The following EPB41L3 variants were observed in gnomAD, a reference collection of about 807,000 sequenced individuals.
The protein encoded by EPB41L3 is erythrocyte membrane protein band 4.1 like 3.
EPB41L3 carries 57 observed loss-of-function variants against 127.1 expected under a neutral mutation model. That is an observed-to-expected ratio of 0.45 (90% confidence interval 0.36 to 0.56). The LOEUF (loss-of-function observed/expected upper bound fraction) is 0.56. Among genes scored for constraint, EPB41L3 ranks in the 20% least tolerant of loss-of-function variants. The pLI is 0.00. For missense variants in EPB41L3, 1,273 were observed against 1,372.2 expected, an observed-to-expected ratio of 0.93 and a Z score of 1.14; for synonymous variants, 572 against 549.5, an observed-to-expected ratio of 1.04 and a Z score of -0.57.
intron 3 of EPB41L3, among the ~76,000 whole-genome samples, chr18:5,609,851 T>C (rs1381329433): frequency 6.6e-6 from 1 of 152,084 alleles, no homozygotes; most frequent in Non-Finnish European, 1.5e-5. Context: ...GAAGCATTAT[T>C]AAATGTGGTA....
intron 3 of EPB41L3, among the ~76,000 whole-genome samples, chr18:5,477,967 C>CA (rs1471103605): frequency 2.6e-5 from 4 of 152,058 alleles, no homozygotes; most frequent in Non-Finnish European, 5.9e-5. Context: ...TTAAAGCTTT[C>CA]AAAATTTTTT....
At chr18:5,442,651 GTTCT>G (rs1385381881) in intron 5 of EPB41L3, among the ~76,000 whole-genome samples, 1 of 152,108 alleles carries the variant, frequency 6.6e-6, no homozygotes, top group African/African-American at 2.4e-5. Context: ...TCTTAAATGT[GTTCT>G]TTAACTAGAA....
intron 16 of EPB41L3, chr18:5,399,374 A>G (rs376521905): frequency 2.5e-6 from 1 of 398,762 alleles, no homozygotes; most frequent in Admixed American, 4.4e-5. Context: ...CAATAACCCA[A>G]TCCTCTGTGC....
At chr18:5,407,935 G>A (rs1476833284) in intron 14 of EPB41L3, among the ~76,000 whole-genome samples, 199 bp from the exon 15 acceptor site, 2 of 152,198 alleles carry the variant, frequency 1.3e-5, no homozygotes, top group Non-Finnish European at 2.9e-5. Context: ...GAATATAGGA[G>A]TGGAAGAATT....
intron 3 of EPB41L3, among the ~76,000 whole-genome samples, chr18:5,469,667 G>T (rs1448976844): frequency 5.3e-5 from 8 of 152,194 alleles, no homozygotes; most frequent in African/African-American, 1.7e-4. Context: ...GAGGCTTCCG[G>T]CTGGAAAAGG....
chr18:5,578,744 C>A (rs906367530), intron 3 of EPB41L3, among the ~76,000 whole-genome samples: 11 of 152,162 alleles, frequency 7.2e-5, no homozygotes, highest in African/African-American at 2.7e-4. Context: ...TATACCCATT[C>A]ACTTAGCAAA....
intron 13 of EPB41L3, among the ~76,000 whole-genome samples, chr18:5,412,520 G>A (rs149649185): frequency 5.2e-4 from 79 of 152,222 alleles, no homozygotes; most frequent in Admixed American, 1.0e-3. Context: ...GCCACCGCGC[G>A]CCCAGCTCGA....
At chr18:5,495,274 A>C (rs113362345) in intron 1 of EPB41L3, among the ~76,000 whole-genome samples, 102 of 152,326 alleles carry the variant, frequency 6.7e-4, no homozygotes, top group African/African-American at 2.1e-3. Context: ...TTATGAAGAC[A>C]TAATAATTCA....
At chr18:5,394,414 C>G (rs1281541254) in intron 22 of EPB41L3, 1 of 343,650 alleles carries the variant, frequency 2.9e-6, no homozygotes. Context: ...AAAGGGAACA[C>G]CAGGAAGACC....
intron 1 of EPB41L3, among the ~76,000 whole-genome samples, chr18:5,498,964 C>G (rs2091471019): frequency 6.6e-6 from 1 of 152,080 alleles, no homozygotes; most frequent in African/African-American, 2.4e-5. Context: ...TAATGGTTCC[C>G]TAAAAGGAAA....
intron 1 of EPB41L3, among the ~76,000 whole-genome samples, chr18:5,517,978 G>T (rs1402946521): frequency 6.6e-6 from 1 of 152,024 alleles, no homozygotes; most frequent in Non-Finnish European, 1.5e-5. Flanking sequence ...CTTAACTGGC[G>T]TCCTGGCTCT....
In EPB41L3 at chr18:5,482,068, T is replaced by C. The variant is rs552118005; in HGVS notation, c.184-3630A>G. Among the ~76,000 whole-genome samples the C allele has an allele frequency of 5.9e-5, 9 of 152,242 alleles. No homozygotes were observed. The East Asian group carries it at 1.7e-3, about 29-fold the overall frequency. On this transcript the variant is annotated intron_variant, in intron 2 of 22. Transcript: ENST00000341928. ...CCCTACAAGATGGCGATTTGTGAGC[T>C]AAGAATTCAAAATAACAATTTTAAG...
In EPB41L3 at chr18:5,561,127, G is replaced by T. The variant is rs866748240; in HGVS notation, c.-306+51213C>A. Reference sequence around the variant, plus strand: ...CGAGTAGCTGGGACTACAGGCGCCCGCCACTACGCCCGGCTAATGTCTTGT... The same window carrying T: ...CGAGTAGCTGGGACTACAGGCGCCCTCCACTACGCCCGGCTAATGTCTTGT... On this transcript the variant is annotated intron_variant, in intron 3 of 21. Transcript: ENST00000545076. Among the ~76,000 whole-genome samples, 143 of 150,028 alleles carry T rather than the reference G, an allele frequency of 9.5e-4. 6 individuals are homozygous for T. The highest frequency in any genetic ancestry group is 1.3e-3 in the Non-Finnish European group (85 of 67,270).
At chr18:5,516,426 CATT>C (rs1204246239) in intron 1 of EPB41L3, among the ~76,000 whole-genome samples, 1 of 152,198 alleles carries the variant, frequency 6.6e-6, no homozygotes, top group Non-Finnish European at 1.5e-5. Flanking sequence ...TGGTTCCTGA[CATT>C]ATCAGTTGTT....
At chr18:5,605,788 T>C (rs2094644380) in intron 3 of EPB41L3, among the ~76,000 whole-genome samples, 1 of 152,028 alleles carries the variant, frequency 6.6e-6, no homozygotes, top group Non-Finnish European at 1.5e-5. Flanking sequence ...TCCCATAATA[T>C]GCGAAGTTGT....
intron 3 of EPB41L3, among the ~76,000 whole-genome samples, chr18:5,561,276 C>T (rs2094132611): frequency 6.6e-6 from 1 of 152,086 alleles, no homozygotes; most frequent in African/African-American, 2.4e-5. Context: ...CGCGCCTGGC[C>T]AGTTGTAATT....
chr18:5,441,730 C>T (rs1003287835), intron 5 of EPB41L3, among the ~76,000 whole-genome samples: 1 of 152,208 alleles, frequency 6.6e-6, no homozygotes, highest in African/African-American at 2.4e-5. Flanking sequence ...TCCCAAAGTG[C>T]TGGGATTACA....
intron 9 of EPB41L3, among the ~76,000 whole-genome samples, chr18:5,425,720 T>C (rs1374983582): frequency 6.6e-6 from 1 of 152,196 alleles, no homozygotes; most frequent in Non-Finnish European, 1.5e-5. Flanking sequence ...GTAAATAGGA[T>C]TGTAAAAGCA....
intron 1 of EPB41L3, among the ~76,000 whole-genome samples, chr18:5,615,521 G>A (rs1443968469): frequency 1.3e-5 from 2 of 152,092 alleles, no homozygotes; most frequent in Non-Finnish European, 2.9e-5. Context: ...ACACTAGAAG[G>A]TGACTATACA....
Sources: allele counts gnomAD v4.1 joint callset (sites outside exome capture counted in the v4.1 genomes callset), GRCh38; gene constraint gnomAD v4.1.1; transcripts MANE v1.5; gene names NCBI Gene and HGNC (gene_info 2026-07-23, HGNC 2026-07-21).